Variants in ZNF169 observed in about 807,000 individuals in gnomAD.
ZNF169 encodes zinc finger protein 169.
In ZNF169, 11 loss-of-function variants were observed where a neutral mutation model predicts 12.0. The observed-to-expected ratio is 0.92, with a 90% confidence interval of 0.58 to 1.52. ZNF169 has a LOEUF of 1.52. Among genes scored for constraint, ZNF169 ranks in the 40% most tolerant of loss-of-function variants. The pLI is 0.00. For synonymous variants in ZNF169, 302 were observed against 286.5 expected (o/e 1.05, Z -0.55); for missense variants, 722 against 744.0 (o/e 0.97, Z 0.34).
rs1318641334 is a variant in ZNF169 at position 94,276,840 on chromosome 9, G to A, written c.-55-1918G>A. Among the ~76,000 whole-genome samples the A allele has an allele frequency of 5.9e-5, 9 of 152,214 alleles. No individual in the cohort carries two copies. In the South Asian group the frequency reaches 6.2e-4, roughly 11 times the overall value. ...AACATGTTAGTTCACACCACAGAAC[G>A]TTTGTATCATTTCTTAATGACTGTT... On this transcript the variant is annotated intron_variant, in intron 1 of 4. Transcript: ENST00000395395.
rs1297667611 is a variant in ZNF169 at position 94,278,844 on chromosome 9, A to T, written c.32A>T (p.Glu11Val). 1 of 1,613,942 alleles carries T rather than the reference A, an allele frequency of 6.2e-7. No homozygotes were observed. Among genetic ancestry groups the T allele is most frequent in the South Asian group, 1.1e-5 (1 of 91,022 alleles). ...CCAGGACTCCTGACAACCAGGAAGG[A>T]GGTAAGTCCTGAAATTTCTTCCTAG... MSPGLLTTRKEALMAFRDVAV... is the reference protein window; with the variant it reads MSPGLLTTRKVALMAFRDVAV... The change falls in exon 2 of 5, where the codon GAG becomes GTG. Residue 11 changes from glutamate (E) to valine (V), a missense_variant and splice_region_variant. Glu to Val is a moderately radical substitution (Grantham distance 121, BLOSUM62 -2). Transcript: ENST00000395395.
intron 2 of ZNF169, among the ~76,000 whole-genome samples, chr9:94,283,174 G>C (rs1016754905): frequency 2.6e-5 from 4 of 152,196 alleles, no homozygotes; most frequent in East Asian, 1.9e-4. Context: ...ACTTTGGGAG[G>C]CTGAGGCGGG....
chr9:94,275,400 G>A (rs1439264528), intron 1 of ZNF169, among the ~76,000 whole-genome samples: 1 of 152,164 alleles, frequency 6.6e-6, no homozygotes, highest in Non-Finnish European at 1.5e-5. Flanking sequence ...CTACTTTGGT[G>A]AATATTTTGT....
At chr9:94,264,738 G>C (rs575976815) in intron 1 of ZNF169, among the ~76,000 whole-genome samples, 1 of 152,256 alleles carries the variant, frequency 6.6e-6, no homozygotes, top group Non-Finnish European at 1.5e-5. Flanking sequence ...TAACTGATTT[G>C]CTCCCTATCA....
chr9:94,278,459 C>T (rs962416616), intron 1 of ZNF169, among the ~76,000 whole-genome samples: 2 of 152,156 alleles, frequency 1.3e-5, no homozygotes, highest in African/African-American at 4.8e-5. Flanking sequence ...AACATGAATG[C>T]TCACTTGAGG....
chr9:94,270,697 T>TATATAA (rs1485931977), intron 1 of ZNF169, among the ~76,000 whole-genome samples: 1 of 28,260 alleles, frequency 3.5e-5, no homozygotes, highest in Non-Finnish European at 8.8e-5. Context: ...AATATATAAT[T>TATATAA]TATATAATTA....
intron 1 of ZNF169, among the ~76,000 whole-genome samples, chr9:94,264,793 T>C (rs1441298063): frequency 1.3e-5 from 2 of 152,300 alleles, no homozygotes; most frequent in Admixed American, 6.5e-5. Flanking sequence ...TGAAATCATA[T>C]AGTACGTATT....
At chr9:94,290,883 G>A (rs985008586) in intron 2 of ZNF169, among the ~76,000 whole-genome samples, 5 of 151,746 alleles carry the variant, frequency 3.3e-5, no homozygotes, top group South Asian at 2.1e-4. Flanking sequence ...CATTCCCATC[G>A]GCAATGTGAA....
At chr9:94,266,648 A>G (rs1236842610) in intron 1 of ZNF169, among the ~76,000 whole-genome samples, 2 of 152,216 alleles carry the variant, frequency 1.3e-5, no homozygotes, top group Non-Finnish European at 2.9e-5. Flanking sequence ...AAGAAGGAGG[A>G]AAAAATTGAA....
rs750543388 is a variant in ZNF169, at chr9:94,292,337, A to AGTGAG, written c.34-4_34-3insGTGAG. On this transcript the variant is annotated splice_polypyrimidine_tract_variant and splice_region_variant and intron_variant, in intron 2 of 4. Transcript: ENST00000395395. ...GAGTGAGCAGGGATGTGTTTGTGTT[A>AGTGAG]CAGGCATTGATGGCCTTCCGGGATG... is the stretch of plus-strand genomic sequence containing the variant. 5 of 1,614,094 alleles carry AGTGAG rather than the reference A, an allele frequency of 3.1e-6. No homozygotes were observed. The South Asian group carries it at 5.5e-5, about 18-fold the overall frequency.
At chr9:94,269,275 G>T (rs983747488) in intron 1 of ZNF169, among the ~76,000 whole-genome samples, 1 of 152,142 alleles carries the variant, frequency 6.6e-6, no homozygotes, top group African/African-American at 2.4e-5. Context: ...TGCAAAGGGG[G>T]TGTATGAGCG....
chr9:94,293,254 C>G (rs1830885879), intron 4 of ZNF169, 185 bp downstream of exon 4: 1 of 618,446 alleles, frequency 1.6e-6, no homozygotes, highest in Non-Finnish European at 2.9e-6. Flanking sequence ...CAGGGCACCC[C>G]TGGCATTCCA....
At chr9:94,294,976 A>G (rs1830921809) in intron 4 of ZNF169, 1 of 152,172 alleles carries the variant, frequency 6.6e-6, no homozygotes, top group Admixed American at 6.5e-5. Context: ...ATGTAACTAT[A>G]TAGCTGGTAT....
chr9:94,269,585 A>G (rs1048472375), intron 1 of ZNF169, among the ~76,000 whole-genome samples: 1 of 152,106 alleles, frequency 6.6e-6, no homozygotes, highest in African/African-American at 2.4e-5. Context: ...TAGCTCACCA[A>G]ATTTGTTCCT....
intron 1 of ZNF169, among the ~76,000 whole-genome samples, chr9:94,273,477 T>G (rs1419242676): frequency 1.3e-5 from 2 of 151,824 alleles, no homozygotes; most frequent in Non-Finnish European, 1.5e-5. Context: ...GGGTTCTTTT[T>G]GCTTTTCTTT....
chr9:94,282,538 A>G (rs1020615574), intron 2 of ZNF169, among the ~76,000 whole-genome samples: 5 of 152,154 alleles, frequency 3.3e-5, no homozygotes, highest in African/African-American at 1.2e-4. Context: ...GCCTCTCCAA[A>G]GGAGGCAAAC....
rs1831078542 is a variant in ZNF169, at chr9:94,301,506, A to G, written c.*136A>G. 1 of 1,425,678 alleles carries G rather than the reference A, an allele frequency of 7.0e-7. No homozygotes were observed. The highest frequency in any genetic ancestry group is 2.5e-5 in the East Asian group (1 of 39,656). 88.3% of individuals were successfully genotyped at this position (1,425,678 alleles called of 1,614,324 possible). The stretch of plus-strand genomic sequence containing the variant: ...ATAGTTGATTTTTGGTTTACTTTCT[A>G]TATTCACAATTTGTCTTGGCTTGCT... On this transcript the variant is annotated 3_prime_UTR_variant, in exon 5 of 5. Transcript: ENST00000395395.
chr9:94,285,629 TGAA>T (rs1242418318), intron 2 of ZNF169, among the ~76,000 whole-genome samples: 2 of 152,014 alleles, frequency 1.3e-5, no homozygotes, highest in African/African-American at 2.4e-5. Context: ...AGACTAAAGA[TGAA>T]AAAATCATCC....
chr9:94,266,085 C>CAA (rs34161642), intron 1 of ZNF169, among the ~76,000 whole-genome samples: 1 of 134,118 alleles, frequency 7.5e-6, no homozygotes, highest in Non-Finnish European at 1.6e-5. Context: ...GACTTTGTCT[C>CAA]AAAAAAAAAA....
Sources: allele counts gnomAD v4.1 joint callset (sites outside exome capture counted in the v4.1 genomes callset), GRCh38; gene constraint gnomAD v4.1.1; transcripts MANE v1.5; gene names NCBI Gene and HGNC (gene_info 2026-07-23, HGNC 2026-07-21).